The following USP25 variants were observed in gnomAD, a reference collection of about 807,000 sequenced individuals.
USP25 encodes ubiquitin carboxyl-terminal hydrolase 25.
USP25 carries 85 observed loss-of-function variants against 158.5 expected under a neutral mutation model. The ratio of observed to expected loss-of-function variants is 0.54; its 90% CI spans 0.45 to 0.64. The LOEUF is 0.64. USP25 is among the 30% of genes least tolerant of loss of function. The pLI is 0.00. For synonymous variants in USP25, 464 were observed against 460.4 expected (o/e 1.01, Z -0.10); for missense variants, 1,242 against 1,327.3 (o/e 0.94, Z 1.00).
chr21:15,777,881 A>C lies in USP25; in HGVS notation c.269-23A>C, dbSNP rs755574460. ...TCATTTTGTTTTACTTTTAATTTTG[A>C]GAAAGATAGTTTTGCTTTTCAGATG... On this transcript the variant is annotated intron_variant, in intron 3 of 25. Transcript: ENST00000400183. 67 of 1,563,164 alleles carry C rather than the reference A, an allele frequency of 4.3e-5. No individual in the cohort carries two copies. In the South Asian group the frequency reaches 7.6e-4, roughly 18 times the overall value.
intron 3 of USP25, among the ~76,000 whole-genome samples, chr21:15,776,601 T>C (rs2034671202): frequency 6.6e-6 from 1 of 151,938 alleles, no homozygotes; most frequent in African/African-American, 2.4e-5. Context: ...CTTCTAAAAT[T>C]GTATGATTAC....
intron 1 of USP25, among the ~76,000 whole-genome samples, chr21:15,755,864 G>A (rs1017748999): frequency 2.0e-5 from 3 of 152,164 alleles, no homozygotes; most frequent in Admixed American, 6.5e-5. Context: ...TCTTCATAAA[G>A]GGAGAAGTGG....
intron 21 of USP25, 102 bp from the exon 22 acceptor site, chr21:15,866,164 T>G: frequency 1.6e-6 from 1 of 613,152 alleles, no homozygotes; most frequent in Non-Finnish European, 2.4e-6. Context: ...GTACTGCTGT[T>G]TTTGCTCAGT....
At chr21:15,751,440 C>T (rs371361359) in intron 1 of USP25, among the ~76,000 whole-genome samples, 1 of 152,030 alleles carries the variant, frequency 6.6e-6, no homozygotes, top group South Asian at 2.1e-4. Flanking sequence ...ACTTAGAGCA[C>T]GTTTATTTTG....
intron 5 of USP25, chr21:15,799,553 G>A (rs769884466): frequency 1.6e-5 from 6 of 384,132 alleles, no homozygotes; most frequent in Non-Finnish European, 4.8e-6. Context: ...ATATAATCTT[G>A]TGCACTATCA....
intron 1 of USP25, among the ~76,000 whole-genome samples, chr21:15,741,698 C>T (rs990460452): frequency 2.0e-5 from 3 of 152,292 alleles, no homozygotes; most frequent in Non-Finnish European, 2.9e-5. Context: ...ATAGGAATCA[C>T]AGTAGCTGCA....
intron 6 of USP25, among the ~76,000 whole-genome samples, chr21:15,801,768 G>A (rs948197572): frequency 5.3e-5 from 8 of 151,602 alleles, no homozygotes; most frequent in Non-Finnish European, 1.2e-4. Flanking sequence ...TCACATCACA[G>A]AGATGCCATT....
At chr21:15,746,588 G>A (rs140323861) in intron 1 of USP25, among the ~76,000 whole-genome samples, 23 of 152,178 alleles carry the variant, frequency 1.5e-4, no homozygotes, top group African/African-American at 5.5e-4. Flanking sequence ...TAGAGATGGA[G>A]TTTCACTGTG....
intron 1 of USP25, among the ~76,000 whole-genome samples, chr21:15,758,797 A>G (rs1427733472): frequency 2.0e-5 from 3 of 149,942 alleles, no homozygotes; most frequent in Admixed American, 6.6e-5. Flanking sequence ...ACTTTCCTTC[A>G]CAAAACCATC....
chr21:15,849,629 G>C, intron 19 of USP25, 148 bp from the exon 20 acceptor site: 1 of 577,510 alleles, frequency 1.7e-6, no homozygotes, highest in Non-Finnish European at 2.9e-6. Flanking sequence ...ATCTTAAAAG[G>C]TGCTTACATG....
chr21:15,757,296 TTC>T (rs773572241), intron 1 of USP25, among the ~76,000 whole-genome samples: 18 of 152,214 alleles, frequency 1.2e-4, no homozygotes, highest in Admixed American at 2.6e-4. Context: ...GCTAAGAAAA[TTC>T]TTTCACTTTT....
intron 18 of USP25, among the ~76,000 whole-genome samples, chr21:15,845,540 T>C (rs2038543005): frequency 6.6e-6 from 1 of 152,198 alleles, no homozygotes; most frequent in African/African-American, 2.4e-5. Context: ...CATTATGCTG[T>C]TGAAATTCTT....
intron 14 of USP25, 71 bp downstream of exon 14, chr21:15,827,274 A>T: frequency 8.1e-7 from 1 of 1,238,454 alleles, no homozygotes; most frequent in African/African-American, 1.5e-5. Flanking sequence ...TTGAGAAGGG[A>T]AATCACGTCT....
At chr21:15,815,963 T>A (rs1395217169) in intron 9 of USP25, among the ~76,000 whole-genome samples, 1 of 152,126 alleles carries the variant, frequency 6.6e-6, no homozygotes, top group Non-Finnish European at 1.5e-5. Context: ...TTTGGGGGAT[T>A]GTTGGGAAGA....
intron 1 of USP25, among the ~76,000 whole-genome samples, chr21:15,742,299 G>C (rs1003308519): frequency 6.6e-6 from 1 of 152,110 alleles, no homozygotes; most frequent in Admixed American, 6.6e-5. Context: ...ACATCCTCAC[G>C]GAAGTGGGAT....
At chr21:15,870,006 C>A in intron 22 of USP25, 62 bp from the exon 23 acceptor site, 1 of 1,252,914 alleles carries the variant, frequency 8.0e-7, no homozygotes, top group Non-Finnish European at 1.1e-6. Context: ...ACTTTTTGTA[C>A]AGTTTCATAG....
chr21:15,784,332 G>A (rs1288761281), intron 4 of USP25, among the ~76,000 whole-genome samples: 2 of 152,298 alleles, frequency 1.3e-5, no homozygotes, highest in South Asian at 2.1e-4. Flanking sequence ...CAGCACTTTC[G>A]GAGGCTGAGG....
intron 1 of USP25, among the ~76,000 whole-genome samples, chr21:15,731,053 A>G (rs1161566912): frequency 7.6e-6 from 1 of 131,138 alleles, no homozygotes; most frequent in Non-Finnish European, 1.6e-5. Flanking sequence ...ATGTTATTCC[A>G]GGAATCTTTT....
intron 5 of USP25, among the ~76,000 whole-genome samples, chr21:15,794,154 T>C (rs2035739282): frequency 6.6e-6 from 1 of 151,726 alleles, no homozygotes; most frequent in African/African-American, 2.4e-5. Context: ...TGACCAGTTA[T>C]AGAAGTTTGC....
Sources: gnomAD v4.1 joint callset for allele counts (sites outside exome capture counted in the v4.1 genomes callset) on GRCh38, gnomAD v4.1.1 for gene constraint, MANE v1.5 for transcripts, NCBI Gene and HGNC (gene_info 2026-07-23, HGNC 2026-07-21) for gene names.